The following KIAA1671 variants were observed in gnomAD, a reference collection of about 807,000 sequenced individuals.
KIAA1671 encodes KIAA1671.
A neutral mutation model predicts 131.2 loss-of-function variants in KIAA1671; 52 were observed. The ratio of observed to expected loss-of-function variants is 0.40; its 90% CI spans 0.32 to 0.50. The LOEUF (loss-of-function observed/expected upper bound fraction) is 0.50. Among genes scored for constraint, KIAA1671 ranks in the 20% least tolerant of loss-of-function variants. The probability of loss-of-function intolerance (pLI) is 0.73; values close to 1 mark genes in which losing one functional copy is unlikely to be tolerated. For synonymous variants in KIAA1671, 1,003 were observed against 961.6 expected, an observed-to-expected ratio of 1.04 and a Z score of -0.80; for missense variants, 2,360 against 2,364.2, an observed-to-expected ratio of 1.00 and a Z score of 0.04.
In KIAA1671 at chr22:25,028,363, G is replaced by A. The variant is rs200485422; in HGVS notation, c.364G>A (p.Glu122Lys). Reference sequence around the variant, plus strand: ...GGTGGGGCAGGAGGTGGGCAGTGGGGAGGGCCCGAGGACGAGCTCGCCCCT... The same window carrying A: ...GGTGGGGCAGGAGGTGGGCAGTGGGAAGGGCCCGAGGACGAGCTCGCCCCT... ...GLVGQEVGSGEGPRTSSPLFN... is the reference protein window; with the variant it reads ...GLVGQEVGSGKGPRTSSPLFN... Residue 122 changes from glutamate to lysine, a missense_variant, in exon 3 of 13, where the codon GAG becomes AAG. Transcript: ENST00000358431. 684 of 1,550,830 alleles carry A rather than the reference G, an allele frequency of 4.4e-4. 2 individuals carry two copies. Among genetic ancestry groups the A allele is most frequent in the Middle Eastern group, 2.5e-3 (15 of 5,992 alleles).
chr22:25,043,200 C>T (rs1192614065), intron 5 of KIAA1671, among the ~76,000 whole-genome samples: 1 of 152,204 alleles, frequency 6.6e-6, no homozygotes, highest in Admixed American at 6.5e-5. Context: ...AAGAAACCCT[C>T]ACCCAAATAA....
intron 1 of KIAA1671, among the ~76,000 whole-genome samples, chr22:25,015,765 G>A (rs1925278090): frequency 6.6e-6 from 1 of 152,130 alleles, no homozygotes; most frequent in African/African-American, 2.4e-5. Context: ...CATGGTCCAG[G>A]GGAAGTTTGG....
At chr22:25,094,944 T>TA (rs146320509) in intron 6 of KIAA1671, among the ~76,000 whole-genome samples, 46 of 152,248 alleles carry the variant, frequency 3.0e-4, no homozygotes, top group African/African-American at 1.1e-3. Flanking sequence ...AGCTCTTTAT[T>TA]GAGTGTTTTA....
intron 6 of KIAA1671, chr22:25,050,070 T>G (rs1451206789): frequency 2.0e-5 from 3 of 152,282 alleles, no homozygotes; most frequent in Non-Finnish European, 2.9e-5. Context: ...AAACAATAAG[T>G]GTCATCGTCA....
intron 1 of KIAA1671, among the ~76,000 whole-genome samples, chr22:25,017,965 A>G (rs1209054012): frequency 2.0e-5 from 3 of 151,610 alleles, no homozygotes; most frequent in Non-Finnish European, 4.4e-5. Flanking sequence ...TCTAATAACC[A>G]TGTTTATCTC....
intron 6 of KIAA1671, among the ~76,000 whole-genome samples, chr22:25,134,472 G>A (rs1932585578): frequency 6.6e-6 from 1 of 152,038 alleles, no homozygotes; most frequent in Non-Finnish European, 1.5e-5. Flanking sequence ...TAAAAGTACT[G>A]GCATTTTATT....
chr22:25,038,967 A>G lies in KIAA1671; in HGVS notation c.1837A>G (p.Thr613Ala), dbSNP rs957288236. The G allele has an allele frequency of 2.6e-6, 4 of 1,551,764 alleles. No homozygotes were observed. The Admixed American group carries it at 5.9e-5, about 23-fold the overall frequency. Residue 613 changes from threonine to alanine, a missense_variant, in exon 5 of 13, where the codon ACA (threonine) becomes GCA (alanine). Coordinates refer to ENST00000358431, the MANE Select transcript of KIAA1671 (RefSeq NM_001145206.2). ...DDRSFQTVWATVFEHHVERHT... is the reference protein window; with the variant it reads ...DDRSFQTVWAAVFEHHVERHT... The stretch of plus-strand genomic sequence containing the variant: ...CCGGAGCTTCCAGACTGTGTGGGCC[A>G]CAGTATTTGAGCACCACGTGGAGAG...
At chr22:24,978,147 A>G (rs1225766087) in intron 1 of KIAA1671, among the ~76,000 whole-genome samples, 1 of 152,080 alleles carries the variant, frequency 6.6e-6, no homozygotes, top group South Asian at 2.1e-4. Context: ...CCCAGATCTC[A>G]TCTTGAATTG....
Position 25,028,931 on chromosome 22 carries a change from G to A in KIAA1671, c.932G>A (p.Gly311Glu), listed in dbSNP as rs1926115149. 3.2e-6 allele frequency: 5 copies of A among 1,551,474 alleles called. No individual in the cohort carries two copies. Among genetic ancestry groups the A allele is most frequent in the Admixed American group, 2.0e-5 (1 of 50,952 alleles). Residue 311 changes from glycine to glutamate, a missense_variant, in exon 3 of 13, where the codon GGG becomes GAG. By Grantham distance (98) the Gly-to-Glu change is moderately conservative. Around this residue, in one of 3 missense-constraint regions of KIAA1671, gnomAD observed 1,185 missense variants for 1,126.2 expected, o/e 1.05. Coordinates refer to ENST00000358431, the MANE Select transcript of KIAA1671 (RefSeq NM_001145206.2). ...VADEGSGPTAGDMAGLERPRA... is the reference protein window; with the variant it reads ...VADEGSGPTAEDMAGLERPRA... Reference sequence around the variant, plus strand: ...GATGAAGGAAGTGGACCCACAGCAGGGGATATGGCTGGGCTAGAGAGGCCC... The same window carrying A: ...GATGAAGGAAGTGGACCCACAGCAGAGGATATGGCTGGGCTAGAGAGGCCC...
chr22:24,991,142 C>G (rs1034745407), intron 1 of KIAA1671, among the ~76,000 whole-genome samples: 2 of 152,170 alleles, frequency 1.3e-5, no homozygotes, highest in African/African-American at 4.8e-5. Context: ...GCCTCAGCCT[C>G]CTGAGTAGCT....
intron 1 of KIAA1671, among the ~76,000 whole-genome samples, chr22:25,007,272 G>A (rs1416183129): frequency 1.3e-5 from 2 of 152,062 alleles, no homozygotes; most frequent in African/African-American, 4.8e-5. Flanking sequence ...CGGATCACGA[G>A]GTCAAGAGAT....
intron 4 of KIAA1671, among the ~76,000 whole-genome samples, chr22:25,036,859 G>C (rs780863718): frequency 2.6e-5 from 4 of 152,174 alleles, no homozygotes; most frequent in Non-Finnish European, 5.9e-5. Context: ...GGGAGGCAGA[G>C]ATTGCGGTGA....
chr22:25,132,775 T>C (rs1157915866), intron 6 of KIAA1671, among the ~76,000 whole-genome samples: 1 of 152,126 alleles, frequency 6.6e-6, no homozygotes, highest in Non-Finnish European at 1.5e-5. Context: ...GAGTGTTCCA[T>C]GGATAAAGAA....
intron 1 of KIAA1671, among the ~76,000 whole-genome samples, chr22:25,003,443 G>C (rs1326876407): frequency 9.1e-6 from 1 of 110,144 alleles, no homozygotes; most frequent in Non-Finnish European, 1.7e-5. Flanking sequence ...ACGGAGTCTT[G>C]CTCTGTCGCC....
At chr22:25,163,841 C>T (rs929564659) in intron 6 of KIAA1671, among the ~76,000 whole-genome samples, 5 of 152,182 alleles carry the variant, frequency 3.3e-5, no homozygotes, top group African/African-American at 1.2e-4. Flanking sequence ...ATAACTAATC[C>T]TGCAGGGCGG....
chr22:24,997,664 G>A (rs1924210373), intron 1 of KIAA1671, among the ~76,000 whole-genome samples: 1 of 152,026 alleles, frequency 6.6e-6, no homozygotes, highest in South Asian at 2.1e-4. Context: ...GGTGGTGAGG[G>A]GTGTGGACTT....
At chr22:25,117,162 G>A (rs1485502049) in intron 6 of KIAA1671, among the ~76,000 whole-genome samples, 1 of 152,162 alleles carries the variant, frequency 6.6e-6, no homozygotes, top group South Asian at 2.1e-4. Flanking sequence ...CCAGGTTTGA[G>A]AACACTGTCG....
Position 25,115,943 on chromosome 22 carries a change from T to G in KIAA1671, c.4531-54877T>G, listed in dbSNP as rs529141695. Among the ~76,000 whole-genome samples the G allele has an allele frequency of 1.8e-4, 28 of 152,136 alleles. No homozygotes were observed. The East Asian group carries it at 4.5e-3, about 24-fold the overall frequency. ...AGGTGCCCTCCACAACACTGGCTAA[T>G]TTTTGTATTTTTAGTAGAGACAGGG... On this transcript the variant is annotated intron_variant, in intron 6 of 12. Coordinates refer to ENST00000358431, the MANE Select transcript of KIAA1671 (RefSeq NM_001145206.2).
chr22:25,068,771 T>C (rs570231323), intron 6 of KIAA1671, among the ~76,000 whole-genome samples: 1 of 152,292 alleles, frequency 6.6e-6, no homozygotes, highest in African/African-American at 2.4e-5. Flanking sequence ...TCCTGTTAGA[T>C]GCTCTGCCTG....
Sources: allele counts gnomAD v4.1 joint callset (sites outside exome capture counted in the v4.1 genomes callset), GRCh38; gene constraint gnomAD v4.1.1; regional missense constraint gnomAD v4.1.1; transcripts MANE v1.5; gene names NCBI Gene and HGNC (gene_info 2026-07-23, HGNC 2026-07-21).